Variants in WNT16 observed in about 807,000 individuals in gnomAD.
WNT16 encodes Wnt family member 16.
WNT16 carries 20 observed loss-of-function variants against 35.4 expected under a neutral mutation model. The ratio of observed to expected loss-of-function variants is 0.56; its 90% CI spans 0.40 to 0.82. The LOEUF is 0.82. Among genes scored for constraint, WNT16 ranks in the 40% least tolerant of loss-of-function variants. The pLI, the probability that WNT16 is intolerant of heterozygous loss-of-function variation, is 0.00. For missense variants in WNT16, 461 were observed against 466.0 expected (o/e 0.99, Z 0.10); for synonymous variants, 180 against 179.2 (o/e 1.00, Z -0.03).
chr7:121,329,481 G>C lies in WNT16; in HGVS notation c.96-86G>C, dbSNP rs1793301630. ...CAACTGAGGCTGGGGGAGAAGGGCG[G>C]GGACCCTTAGACGAGTGACCTAATT... On this transcript the variant is annotated intron_variant, in intron 1 of 3. Transcript: ENST00000222462. 3.1e-6 allele frequency: 5 copies of C among 1,593,766 alleles called. No homozygotes were observed. In the African/African-American group the frequency reaches 6.7e-5, roughly 21 times the overall value.
rs933059988 is a variant in WNT16 at position 121,331,746 on chromosome 7, T to G, written c.415T>G (p.Cys139Gly). The change falls in exon 3 of 4, where the codon TGC (cysteine) becomes GGC (glycine). Residue 139 changes from cysteine to glycine, a missense_variant. Coordinates refer to ENST00000222462, the MANE Select transcript of WNT16 (RefSeq NM_057168.2). ...AGLVHSVTRS[C>G]SAGNMTECSC... The stretch of plus-strand genomic sequence containing the variant: ...CCTGGTGCATTCTGTGACCAGGTCA[T>G]GCAGTGCAGGCAACATGACAGAGTG... 1.9e-6 allele frequency: 3 copies of G among 1,614,106 alleles called. No homozygotes were observed. Among genetic ancestry groups the G allele is most frequent in the East Asian group, 2.2e-5 (1 of 44,894 alleles).
Position 121,329,549 on chromosome 7 carries a change from G to A in WNT16, c.96-18G>A, listed in dbSNP as rs377702128. 6 of 1,611,914 alleles carry A rather than the reference G, an allele frequency of 3.7e-6. No individual in the cohort carries two copies. The highest frequency in any genetic ancestry group is 1.7e-6 in the Non-Finnish European group (2 of 1,178,278). On this transcript the variant is annotated intron_variant, in intron 1 of 3. Coordinates refer to ENST00000222462, the MANE Select transcript of WNT16 (RefSeq NM_057168.2). ...AATTGGGGAGCGGCTTAACGCTACG[G>A]GCGGCCGTGTCTTACAGGTGGTTGG...
intron 2 of WNT16, among the ~76,000 whole-genome samples, chr7:121,330,137 C>T (rs911500164): frequency 6.6e-6 from 1 of 152,244 alleles, no homozygotes; most frequent in Non-Finnish European, 1.5e-5. Flanking sequence ...GTAGCGCCCC[C>T]CTACGTGGGT....
chr7:121,331,931 A>C lies in WNT16; in HGVS notation c.600A>C (p.Ala200=), dbSNP rs1248658627. The C allele has an allele frequency of 1.4e-5, 23 of 1,614,216 alleles. No homozygotes were observed. The highest frequency in any genetic ancestry group is 1.9e-5 in the Non-Finnish European group (23 of 1,180,036). Residue 200 remains alanine, a synonymous_variant, in exon 3 of 4, where the codon GCA becomes GCC. Coordinates refer to ENST00000222462, the MANE Select transcript of WNT16 (RefSeq NM_057168.2). ...GCAAAGAAAACAAAGTACTATTAGCAATGAACCTACATAACAATGAAGCTG... is the reference window on the plus strand; with the variant it reads ...GCAAAGAAAACAAAGTACTATTAGCCATGAACCTACATAACAATGAAGCTG... The part of the protein sequence containing the change: ...TTGKENKVLL[A]MNLHNNEAGR...
At chr7:121,330,714 GAAAAAAAAAAA>G (rs11371537) in intron 2 of WNT16, among the ~76,000 whole-genome samples, 8 of 88,196 alleles carry the variant, frequency 9.1e-5, no homozygotes, top group Admixed American at 2.5e-4. Context: ...CCCGTAGAGA[GAAAAAAAAAAA>G]AAAAAAAAAA....
At chr7:121,327,344 T>C (rs1163825538), upstream of WNT16, among the ~76,000 whole-genome samples, 1 of 144,624 alleles carries the variant, frequency 6.9e-6, no homozygotes, top group Non-Finnish European at 1.5e-5. Context: ...TAATGCTATC[T>C]AATCCTTTTT....
intron 2 of WNT16, 139 bp from the exon 3 acceptor site, chr7:121,331,539 T>C (rs1270561097): frequency 4.1e-6 from 3 of 726,076 alleles, no homozygotes; most frequent in Non-Finnish European, 6.6e-6. Flanking sequence ...TCTTCCTTTC[T>C]AAATATGTAC....
intron 2 of WNT16, among the ~76,000 whole-genome samples, chr7:121,331,342 A>G (rs190945917): frequency 6.6e-6 from 1 of 152,340 alleles, no homozygotes; most frequent in Admixed American, 6.5e-5. Flanking sequence ...TTAATTCAGC[A>G]TGTATTACTG....
intron 3 of WNT16, among the ~76,000 whole-genome samples, chr7:121,336,107 A>G (rs2116841379): frequency 6.6e-6 from 1 of 150,862 alleles, no homozygotes; most frequent in East Asian, 2.0e-4. Flanking sequence ...AGATTGTCCA[A>G]GTTCTTTCCT....
intron 3 of WNT16, among the ~76,000 whole-genome samples, chr7:121,334,775 A>G (rs1043706974): frequency 2.6e-5 from 4 of 152,084 alleles, no homozygotes; most frequent in Non-Finnish European, 5.9e-5. Context: ...GAATGATGTG[A>G]TGTCTTCCAG....
rs1209903584 is a variant in WNT16, at chr7:121,332,556, A to AT, written c.633+599dup. 1.3e-4 allele frequency among the ~76,000 whole-genome samples: 20 copies of AT among 152,154 alleles called. No individual in the cohort carries two copies. The East Asian group carries it at 3.9e-3, about 29-fold the overall frequency. ...TTCCCCCAATTTGAATTTTTATGAT[A>AT]TTTTTTTAAATCGACTTTTTAGTGG... is the stretch of plus-strand genomic sequence containing the variant. On this transcript the variant is annotated intron_variant, in intron 3 of 3. Coordinates refer to ENST00000222462, the MANE Select transcript of WNT16 (RefSeq NM_057168.2).
At chr7:121,325,531 T>A (rs17143285), upstream of WNT16, 50,578 of 1,560,754 alleles carry the variant, frequency 0.032, 983 homozygotes, top group Middle Eastern at 0.066. Flanking sequence ...AATGTTTCAA[T>A]GGAGAGATCT....
At position 121,339,126 on chromosome 7, in the gene WNT16, C is replaced by G; in HGVS notation, c.879C>G (p.Tyr293Ter). ...TCTATGTTAATAAGTCTCCCAACTACTGTGTAGAAGATAAGAAACTGGGAA... is the reference window on the plus strand; with the variant it reads ...TCTATGTTAATAAGTCTCCCAACTAGTGTGTAGAAGATAAGAAACTGGGAA... ...DLLYVNKSPN[Y>*]CVEDKKLGIP... The change falls in exon 4 of 4, where the codon TAC becomes TAG. Residue 293 changes from tyrosine to a stop codon, truncating the protein, a stop_gained. Transcript: ENST00000222462. LOFTEE classifies it high-confidence loss of function. The G allele has an allele frequency of 6.2e-7, 1 of 1,614,218 alleles. No individual in the cohort carries two copies. The highest frequency in any genetic ancestry group is 1.6e-4 in the Middle Eastern group (1 of 6,062).
At chr7:121,333,606 A>T (rs886822484) in intron 3 of WNT16, among the ~76,000 whole-genome samples, 6 of 152,030 alleles carry the variant, frequency 3.9e-5, no homozygotes, top group Admixed American at 3.9e-4. Flanking sequence ...CCAATAAGGG[A>T]ATTTTTATTA....
Position 121,329,288 on chromosome 7 carries a change from G to T in WNT16, c.-5G>T. ...GGCTGGGCTGGGGGACTCCATGCGG[G>T]GGCGATGGACAGGGCGGCGCTCCTG... is the stretch of plus-strand genomic sequence containing the variant. On this transcript the variant is annotated 5_prime_UTR_variant, in exon 1 of 4. Coordinates refer to ENST00000222462, the MANE Select transcript of WNT16 (RefSeq NM_057168.2). The T allele has an allele frequency of 6.4e-7, 1 of 1,561,044 alleles. No individual in the cohort carries two copies. Among genetic ancestry groups the T allele is most frequent in the East Asian group, 2.3e-5 (1 of 42,906 alleles).
At chr7:121,325,373 C>G (rs1793227840), upstream of WNT16, 1 of 1,597,880 alleles carries the variant, frequency 6.3e-7, no homozygotes, top group African/African-American at 1.4e-5. Flanking sequence ...TCTCAGCCTG[C>G]AAAAACCACA....
rs1357834400 is a variant in WNT16, at chr7:121,340,454, CAGTT to C, written c.*1115_*1118del. ...GGACATCGAAGAGAATTTAACTTAG[CAGTT>C]AGTTATATGGATGTGTATTTCTTGC... is the stretch of plus-strand genomic sequence containing the variant. On this transcript the variant is annotated 3_prime_UTR_variant, in exon 4 of 4. Coordinates refer to ENST00000222462, the MANE Select transcript of WNT16 (RefSeq NM_057168.2). The C allele has an allele frequency of 3.3e-5, 5 of 151,614 alleles. No homozygotes were observed. Among genetic ancestry groups the C allele is most frequent in the Admixed American group, 2.6e-4 (4 of 15,216 alleles). 9.4% of individuals were successfully genotyped at this position (151,614 alleles called of 1,614,324 possible).
At chr7:121,330,343 G>A (rs897522739) in intron 2 of WNT16, among the ~76,000 whole-genome samples, 2 of 152,260 alleles carry the variant, frequency 1.3e-5, no homozygotes, top group Non-Finnish European at 2.9e-5. Flanking sequence ...ACCACCCAAC[G>A]TGCGGCTAAC....
intron 2 of WNT16, among the ~76,000 whole-genome samples, chr7:121,330,815 C>A (rs189632354): frequency 2.0e-5 from 3 of 150,610 alleles, no homozygotes; most frequent in Non-Finnish European, 4.4e-5. Context: ...TATTGGACAG[C>A]GGGCATGAAA....
Sources: gnomAD v4.1 joint callset for allele counts (sites outside exome capture counted in the v4.1 genomes callset) on GRCh38, gnomAD v4.1.1 for gene constraint, MANE v1.5 for transcripts, NCBI Gene and HGNC (gene_info 2026-07-23, HGNC 2026-07-21) for gene names.